MYLK: variants seen among roughly 807,000 people sequenced by gnomAD.
MYLK encodes the protein myosin light chain kinase, smooth muscle.
Under a neutral mutation model 203.4 loss-of-function variants are expected in MYLK, and 106 were observed. The observed-to-expected ratio is 0.52, with a 90% CI of 0.45 to 0.61. The LOEUF (loss-of-function observed/expected upper bound fraction) is 0.61, where lower values mean the gene tolerates loss of function less well. Among genes scored for constraint, MYLK ranks in the 20% least tolerant of loss-of-function variants. The pLI, the probability that MYLK is intolerant of heterozygous loss-of-function variation, is 0.00. For missense variants in MYLK, 2,072 were observed against 2,442.3 expected (o/e 0.85, Z 3.20); for synonymous variants, 867 against 959.5 (o/e 0.90, Z 1.78).
chr3:123,764,973 C>T (rs1264213192), intron 4 of MYLK, among the ~76,000 whole-genome samples: 1 of 152,192 alleles, frequency 6.6e-6, no homozygotes, highest in African/African-American at 2.4e-5. Flanking sequence ...TGTCTCTCCT[C>T]ATTCTTTCTG....
intron 9 of MYLK, chr3:123,735,047 G>A (rs897425597): frequency 3.3e-5 from 12 of 359,830 alleles, no homozygotes; most frequent in Non-Finnish European, 4.3e-5. Flanking sequence ...AGAGGCTCCT[G>A]CTGGGTCTGG....
chr3:123,804,491 A>C (rs888438762), intron 3 of MYLK, among the ~76,000 whole-genome samples: 1 of 152,166 alleles, frequency 6.6e-6, no homozygotes, highest in Non-Finnish European at 1.5e-5. Context: ...AATGCACCTC[A>C]TGATTCTGCA....
intron 4 of MYLK, among the ~76,000 whole-genome samples, chr3:123,762,669 G>C (rs1450474186): frequency 6.6e-6 from 1 of 152,224 alleles, no homozygotes; most frequent in Non-Finnish European, 1.5e-5. Context: ...CACGAGGGCA[G>C]AGCCTTCATG....
intron 16 of MYLK, among the ~76,000 whole-genome samples, chr3:123,706,287 T>A (rs1425507281): frequency 6.6e-6 from 1 of 152,146 alleles, no homozygotes; most frequent in African/African-American, 2.4e-5. Context: ...GATAACTGAT[T>A]CAGGTATAAA....
intron 14 of MYLK, chr3:123,709,549 G>A: frequency 1.5e-6 from 1 of 667,304 alleles, no homozygotes; most frequent in East Asian, 2.7e-5. Flanking sequence ...TCTTCCTCTG[G>A]ACCATTTAAT....
intron 4 of MYLK, among the ~76,000 whole-genome samples, chr3:123,768,632 A>G (rs2063779289): frequency 6.6e-6 from 1 of 152,232 alleles, no homozygotes; most frequent in Non-Finnish European, 1.5e-5. Flanking sequence ...ATTTGTTTGT[A>G]AGGCTGAAAA....
At chr3:123,644,408 G>A (rs1472811281) in intron 27 of MYLK, 1 of 152,242 alleles carries the variant, frequency 6.6e-6, no homozygotes, top group African/African-American at 2.4e-5. Context: ...GGGCATGGAA[G>A]ACCTGCTGCT....
intron 28 of MYLK, chr3:123,638,636 G>A (rs1021580674): frequency 1.2e-5 from 6 of 505,416 alleles, no homozygotes; most frequent in African/African-American, 1.0e-4. Context: ...GAACATGAGT[G>A]AGGCCCAGGG....
chr3:123,703,683 CTG>C (rs4048447), intron 16 of MYLK, among the ~76,000 whole-genome samples: 18,671 of 152,198 alleles, frequency 0.12, 2,697 homozygotes, highest in East Asian at 0.54. Context: ...TGTAGAATAA[CTG>C]TGTGAGGTCA....
intron 3 of MYLK, among the ~76,000 whole-genome samples, chr3:123,827,393 G>T (rs1055288872): frequency 2.0e-5 from 3 of 151,770 alleles, no homozygotes; most frequent in African/African-American, 7.3e-5. Flanking sequence ...AAAGAATTTT[G>T]AAAGCATCAA....
chr3:123,679,176 G>A (rs2060173833), intron 20 of MYLK, among the ~76,000 whole-genome samples: 1 of 151,994 alleles, frequency 6.6e-6, no homozygotes, highest in Non-Finnish European at 1.5e-5. Context: ...GCGTGGTGGT[G>A]CGCAGCTGTA....
chr3:123,692,683 G>T, intron 19 of MYLK, 52 bp downstream of exon 19: 1 of 1,398,512 alleles, frequency 7.2e-7, no homozygotes, highest in Non-Finnish European at 1.0e-6. Flanking sequence ...GGGAGGGGCT[G>T]AGAAATGGGA....
At chr3:123,780,269 A>T (rs971575152) in intron 4 of MYLK, among the ~76,000 whole-genome samples, 3 of 152,050 alleles carry the variant, frequency 2.0e-5, no homozygotes, top group Non-Finnish European at 2.9e-5. Flanking sequence ...CCCCATCTCT[A>T]CTAAAAATAC....
chr3:123,864,555 T>C (rs149022691), intron 2 of MYLK, among the ~76,000 whole-genome samples: 3 of 152,276 alleles, frequency 2.0e-5, no homozygotes, highest in Non-Finnish European at 4.4e-5. Flanking sequence ...GTGGAGGGAA[T>C]ATATGTATTC....
At chr3:123,781,441 C>T (rs1376585204) in intron 4 of MYLK, among the ~76,000 whole-genome samples, 4 of 152,198 alleles carry the variant, frequency 2.6e-5, no homozygotes, top group African/African-American at 9.7e-5. Flanking sequence ...CACTGGCCCT[C>T]CATGCACATA....
At chr3:123,836,416 C>T (rs2148636658) in intron 2 of MYLK, among the ~76,000 whole-genome samples, 1 of 152,220 alleles carries the variant, frequency 6.6e-6, no homozygotes, top group South Asian at 2.1e-4. Context: ...TTCTTAAATA[C>T]AAATAATAAC....
chr3:123,863,436 T>G (rs1428687988), intron 2 of MYLK, among the ~76,000 whole-genome samples: 1 of 149,200 alleles, frequency 6.7e-6, no homozygotes, highest in Admixed American at 6.7e-5. Flanking sequence ...AGCTACAAAT[T>G]AGAAAAACAT....
At chr3:123,733,434 G>C (rs1409081976) in intron 10 of MYLK, among the ~76,000 whole-genome samples, 1 of 152,180 alleles carries the variant, frequency 6.6e-6, no homozygotes, top group African/African-American at 2.4e-5. Flanking sequence ...AGGGTGGTAA[G>C]AACTAGGGCC....
At chr3:123,864,129 T>C (rs1170310336) in intron 2 of MYLK, among the ~76,000 whole-genome samples, 1 of 152,206 alleles carries the variant, frequency 6.6e-6, no homozygotes, top group Admixed American at 6.5e-5. Context: ...TTATGTGAAG[T>C]TCTAGGAGAG....
Sources: gnomAD v4.1 joint callset for allele counts (sites outside exome capture counted in the v4.1 genomes callset) on GRCh38, gnomAD v4.1.1 for gene constraint, MANE v1.5 for transcripts, NCBI Gene and HGNC (gene_info 2026-07-23, HGNC 2026-07-21) for gene names.